CSMD3: variants seen among roughly 807,000 people sequenced by gnomAD.
CSMD3 encodes the protein CUB and sushi domain-containing protein 3.
A neutral mutation model predicts 435.2 loss-of-function variants in CSMD3; 177 were observed. The ratio of observed to expected loss-of-function variants is 0.41; its 90% CI spans 0.36 to 0.46. The LOEUF is 0.46. Among genes scored for constraint, CSMD3 ranks in the 20% least tolerant of loss-of-function variants. The pLI, the probability that CSMD3 is intolerant of heterozygous loss-of-function variation, is 0.34. For missense variants in CSMD3, 4,265 were observed against 4,504.6 expected, an observed-to-expected ratio of 0.95 and a Z score of 1.52; for synonymous variants, 1,656 against 1,520.5, an observed-to-expected ratio of 1.09 and a Z score of -2.07.
At chr8:113,113,144 G>A (rs1610262) in intron 4 of CSMD3, among the ~76,000 whole-genome samples, 2,022 of 152,274 alleles carry the variant, frequency 0.013, 52 homozygotes, top group African/African-American at 0.046. Context: ...ACTAAGTGGA[G>A]AAACCTCAGA....
chr8:113,072,051 T>C (rs975856599), intron 5 of CSMD3, among the ~76,000 whole-genome samples: 1 of 151,808 alleles, frequency 6.6e-6, no homozygotes, highest in Non-Finnish European at 1.5e-5. Flanking sequence ...TTAAATATTT[T>C]ATTATTTTAT....
chr8:112,642,966 T>A (rs182514703), intron 20 of CSMD3, among the ~76,000 whole-genome samples: 1 of 152,272 alleles, frequency 6.6e-6, no homozygotes, highest in Admixed American at 6.5e-5. Context: ...TAAGCTGGAA[T>A]GCATCCAGAG....
chr8:112,223,551 G>C lies in CSMD3; in HGVS notation c.*1220C>G, dbSNP rs879210207. The C allele has an allele frequency of 6.5e-6, 1 of 152,878 alleles. No homozygotes were observed. The highest frequency in any genetic ancestry group is 2.1e-4 in the South Asian group (1 of 4,824). The allele number at this position is 152,878 out of a possible 1,614,324, so 9.5% of individuals were successfully genotyped here. A position where few individuals can be genotyped will look rare whatever the true frequency, so the allele number is the denominator to read the frequency against. On this transcript the variant is annotated 3_prime_UTR_variant, in exon 71 of 71. Coordinates refer to ENST00000297405, the MANE Select transcript of CSMD3 (RefSeq NM_198123.2). Reference sequence around the variant, plus strand: ...AACTTACAAATACATATCTTAATTTGACAATGAAAGAAACCTCTTGTATGT... The same window carrying C: ...AACTTACAAATACATATCTTAATTTCACAATGAAAGAAACCTCTTGTATGT...
chr8:112,391,555 G>A (rs1268967499), intron 35 of CSMD3, among the ~76,000 whole-genome samples: 1 of 152,072 alleles, frequency 6.6e-6, no homozygotes, highest in African/African-American at 2.4e-5. Context: ...AGCCAGACGT[G>A]ATGGTGGGCG....
At chr8:112,655,411 T>C (rs192100687) in intron 18 of CSMD3, among the ~76,000 whole-genome samples, 23 of 152,190 alleles carry the variant, frequency 1.5e-4, no homozygotes, top group East Asian at 7.7e-4. Context: ...AATGTACACA[T>C]ATGTAAATTT....
intron 3 of CSMD3, among the ~76,000 whole-genome samples, chr8:113,203,863 A>G (rs1038520144): frequency 6.6e-5 from 10 of 151,968 alleles, no homozygotes; most frequent in East Asian, 1.9e-4. Context: ...ACAATGTACT[A>G]TCTCCTCCTC....
intron 30 of CSMD3, among the ~76,000 whole-genome samples, chr8:112,498,635 T>C (rs1821615137): frequency 6.6e-6 from 1 of 152,176 alleles, no homozygotes; most frequent in Non-Finnish European, 1.5e-5. Flanking sequence ...ATCGTAGTGA[T>C]ATTTGGAAAT....
intron 10 of CSMD3, among the ~76,000 whole-genome samples, chr8:112,876,761 A>T (rs900973230): frequency 1.3e-5 from 2 of 152,160 alleles, no homozygotes; most frequent in Non-Finnish European, 2.9e-5. Context: ...TGGCCAGGGA[A>T]ATCAGGCAAG....
chr8:112,718,390 TCTCAACTCAA>T (rs932311273), intron 13 of CSMD3, among the ~76,000 whole-genome samples: 1 of 151,944 alleles, frequency 6.6e-6, no homozygotes, highest in Admixed American at 6.6e-5. Flanking sequence ...AAGCCTGTCT[TCTCAACTCAA>T]CTCAACTCAA....
intron 38 of CSMD3, among the ~76,000 whole-genome samples, chr8:112,364,667 T>C (rs957563016): frequency 2.6e-5 from 4 of 151,912 alleles, no homozygotes; most frequent in African/African-American, 9.7e-5. Context: ...TTCACTAAAA[T>C]CCAAGTGGCA....
chr8:113,055,139 GTAT>G (rs2088265371), intron 5 of CSMD3, among the ~76,000 whole-genome samples: 1 of 151,938 alleles, frequency 6.6e-6, no homozygotes, highest in Non-Finnish European at 1.5e-5. Flanking sequence ...ATTCAACACT[GTAT>G]TATCATCTGC....
chr8:112,938,089 C>T (rs111683839), intron 9 of CSMD3, among the ~76,000 whole-genome samples: 2 of 152,058 alleles, frequency 1.3e-5, no homozygotes, highest in East Asian at 3.9e-4. Flanking sequence ...AAATGTAATT[C>T]TCTGCAAGTC....
At chr8:112,505,216 A>G (rs1380614670) in intron 29 of CSMD3, among the ~76,000 whole-genome samples, 1 of 152,118 alleles carries the variant, frequency 6.6e-6, no homozygotes, top group Non-Finnish European at 1.5e-5. Context: ...AGACCATCAC[A>G]CTATTATATT....
chr8:113,333,771 A>G (rs1278017357), intron 1 of CSMD3, among the ~76,000 whole-genome samples: 1 of 151,912 alleles, frequency 6.6e-6, no homozygotes, highest in Non-Finnish European at 1.5e-5. Context: ...GTAGTTTGAA[A>G]TAAAATTTAA....
At chr8:112,922,376 C>T (rs2082770991) in intron 9 of CSMD3, among the ~76,000 whole-genome samples, 1 of 151,932 alleles carries the variant, frequency 6.6e-6, no homozygotes, top group Non-Finnish European at 1.5e-5. Context: ...AATACCATTA[C>T]ATTCTTTTGG....
chr8:112,733,260 C>T (rs1051245529), intron 13 of CSMD3, among the ~76,000 whole-genome samples: 8 of 152,064 alleles, frequency 5.3e-5, no homozygotes, highest in African/African-American at 1.4e-4. Flanking sequence ...CCACGCTAGA[C>T]GAATTAAGCA....
intron 24 of CSMD3, among the ~76,000 whole-genome samples, chr8:112,567,769 G>C (rs1829176968): frequency 6.6e-6 from 1 of 152,054 alleles, no homozygotes; most frequent in South Asian, 2.1e-4. Context: ...GATGTTTTAG[G>C]AAGGATACTG....
chr8:113,434,170 T>G (rs1220548060), intron 1 of CSMD3, among the ~76,000 whole-genome samples: 1 of 152,166 alleles, frequency 6.6e-6, no homozygotes, highest in Non-Finnish European at 1.5e-5. Context: ...GGATGAAAAC[T>G]GTAGGCAGAT....
At chr8:112,341,397 A>G (rs1254965797) in intron 42 of CSMD3, 80 bp downstream of exon 42, 3 of 981,708 alleles carry the variant, frequency 3.1e-6, no homozygotes, top group Non-Finnish European at 4.7e-6. Context: ...CAGAATACAG[A>G]AAATAATTAG....
Sources: gnomAD v4.1 joint callset for allele counts (sites outside exome capture counted in the v4.1 genomes callset) on GRCh38, gnomAD v4.1.1 for gene constraint, MANE v1.5 for transcripts, NCBI Gene and HGNC (gene_info 2026-07-23, HGNC 2026-07-21) for gene names.